AKAP19: variants seen among roughly 807,000 people sequenced by gnomAD.
The protein encoded by AKAP19 is A-kinase anchoring protein 19.
the AKAP19 span, among the ~76,000 whole-genome samples, chr2:190,184,848 T>C: frequency 1.3e-5 from 2 of 152,162 alleles, no homozygotes; most frequent in African/African-American, 4.8e-5. Flanking sequence ...AGAAATTAAG[T>C]CCATTGGGTA....
chr2:189,936,261 C>T, the AKAP19 span, among the ~76,000 whole-genome samples: 1 of 96,814 alleles, frequency 1.0e-5, no homozygotes. Flanking sequence ...CTTGTTGATA[C>T]ACACACACAC....
At chr2:189,950,150 C>T in the AKAP19 span, among the ~76,000 whole-genome samples, 1 of 150,376 alleles carries the variant, frequency 6.6e-6, no homozygotes, top group Non-Finnish European at 1.5e-5. Context: ...GCCTCAGCAT[C>T]CCAAGTAGCT....
At chr2:189,888,741 TTGTC>T in the AKAP19 span, among the ~76,000 whole-genome samples, 1 of 152,182 alleles carries the variant, frequency 6.6e-6, no homozygotes, top group Non-Finnish European at 1.5e-5. Context: ...GGCTCTCTGT[TTGTC>T]TGTTATTGGT....
At chr2:190,007,939 G>A in the AKAP19 span, among the ~76,000 whole-genome samples, 1 of 152,162 alleles carries the variant, frequency 6.6e-6, no homozygotes, top group Non-Finnish European at 1.5e-5. Context: ...TCCAGCCTGG[G>A]CAACAGCAAG....
chr2:189,902,808 G>A, the AKAP19 span, among the ~76,000 whole-genome samples: 243 of 151,396 alleles, frequency 1.6e-3, no homozygotes, highest in African/African-American at 5.8e-3. Context: ...TTAGCCAATA[G>A]GAAAGAGTAG....
chr2:190,173,416 C>T, the AKAP19 span, among the ~76,000 whole-genome samples: 3 of 152,188 alleles, frequency 2.0e-5, no homozygotes, highest in Non-Finnish European at 2.9e-5. Flanking sequence ...TAGCCAAGGA[C>T]CACAGCAGAA....
At chr2:189,905,373 A>C in the AKAP19 span, among the ~76,000 whole-genome samples, 1 of 151,998 alleles carries the variant, frequency 6.6e-6, no homozygotes, top group Admixed American at 6.6e-5. Flanking sequence ...TCAACAGCTG[A>C]CTGAATAAAG....
the AKAP19 span, among the ~76,000 whole-genome samples, chr2:190,007,081 T>A: frequency 6.6e-6 from 1 of 152,112 alleles, no homozygotes; most frequent in Non-Finnish European, 1.5e-5. Context: ...CTATGAAAAG[T>A]TTTAGTAATT....
chr2:189,998,775 T>TC, the AKAP19 span, among the ~76,000 whole-genome samples: 2 of 98,896 alleles, frequency 2.0e-5, no homozygotes, highest in Non-Finnish European at 4.5e-5. Flanking sequence ...TTCTTTCTTT[T>TC]TTTTTTTTTT....
the AKAP19 span, among the ~76,000 whole-genome samples, chr2:190,165,266 A>C: frequency 2.0e-5 from 3 of 151,958 alleles, no homozygotes; most frequent in South Asian, 4.1e-4. Flanking sequence ...GTGAAATCCC[A>C]TCTCTACTAA....
the AKAP19 span, among the ~76,000 whole-genome samples, chr2:190,188,302 A>C: frequency 6.6e-6 from 1 of 152,240 alleles, no homozygotes; most frequent in African/African-American, 2.4e-5. Context: ...TTGAGAACTA[A>C]GGTATAAAAG....
the AKAP19 span, among the ~76,000 whole-genome samples, chr2:189,887,776 G>A: frequency 6.6e-6 from 1 of 152,030 alleles, no homozygotes; most frequent in East Asian, 1.9e-4. Context: ...CTTTTGAGAA[G>A]TGTCTGTTCA....
the AKAP19 span, among the ~76,000 whole-genome samples, chr2:190,140,314 A>C: frequency 1.3e-5 from 2 of 152,160 alleles, no homozygotes; most frequent in South Asian, 2.1e-4. Context: ...TCTAGAGGAC[A>C]GTGGTCCTCT....
the AKAP19 span, among the ~76,000 whole-genome samples, chr2:189,883,320 C>T: frequency 2.0e-5 from 3 of 152,148 alleles, no homozygotes; most frequent in African/African-American, 7.2e-5. Context: ...AAGTCAATTT[C>T]TATAAGCCCG....
the AKAP19 span, among the ~76,000 whole-genome samples, chr2:190,008,038 T>C: frequency 6.6e-6 from 1 of 152,214 alleles, no homozygotes; most frequent in Admixed American, 6.5e-5. Context: ...GCCATACTCA[T>C]TACCTATTCC....
the AKAP19 span, among the ~76,000 whole-genome samples, chr2:190,116,512 G>T: frequency 2.0e-5 from 3 of 152,074 alleles, no homozygotes; most frequent in African/African-American, 2.4e-5. Flanking sequence ...ATGCCTTTTG[G>T]GGGATACAGT....
chr2:190,046,184 C>T, the AKAP19 span, among the ~76,000 whole-genome samples: 4 of 152,146 alleles, frequency 2.6e-5, no homozygotes, highest in Non-Finnish European at 5.9e-5. Context: ...TTACTTGCTC[C>T]TTCTGTTCCC....
At chr2:190,105,882 C>G in the AKAP19 span, among the ~76,000 whole-genome samples, 2 of 152,202 alleles carry the variant, frequency 1.3e-5, no homozygotes, top group Non-Finnish European at 2.9e-5. Flanking sequence ...GGTTAGGGCC[C>G]TTCTCTTATT....
chr2:190,113,205 T>C, the AKAP19 span, among the ~76,000 whole-genome samples: 1 of 152,176 alleles, frequency 6.6e-6, no homozygotes, highest in Non-Finnish European at 1.5e-5. Flanking sequence ...TTGGTCAGCG[T>C]TTTCATTTAG....
Sources: allele counts gnomAD v4.1 joint callset (sites outside exome capture counted in the v4.1 genomes callset), GRCh38; gene constraint gnomAD v4.1.1; transcripts MANE v1.5; gene names NCBI Gene and HGNC (gene_info 2026-07-23, HGNC 2026-07-21).